Variants in RASGRP3 observed in about 807,000 individuals in gnomAD.
RASGRP3 encodes the protein RAS guanyl releasing protein 3, also known as ras guanyl-releasing protein 3.
RASGRP3 carries 54 observed loss-of-function variants against 82.7 expected under a neutral mutation model. That is an observed-to-expected ratio of 0.65 (90% confidence interval 0.52 to 0.82). The LOEUF is 0.82. Ranked by LOEUF, RASGRP3 falls within the 40% of genes least tolerant of loss-of-function variation. RASGRP3 has a pLI of 0.00. For missense variants in RASGRP3, 861 were observed against 828.9 expected, an observed-to-expected ratio of 1.04 and a Z score of -0.48; for synonymous variants, 309 against 300.5, an observed-to-expected ratio of 1.03 and a Z score of -0.29.
chr2:33,562,880 A>C lies in RASGRP3; in HGVS notation c.*143A>C. 7 of 1,084,350 alleles carry C rather than the reference A, an allele frequency of 6.5e-6. No individual in the cohort carries two copies. The highest frequency in any genetic ancestry group is 9.4e-6 in the Non-Finnish European group (7 of 742,662). 67.2% of individuals were successfully genotyped at this position (1,084,350 alleles called of 1,614,324 possible). A position where few individuals can be genotyped will look rare whatever the true frequency, so the allele number is the denominator to read the frequency against. On this transcript the variant is annotated 3_prime_UTR_variant, in exon 18 of 18. Coordinates refer to ENST00000403687, the MANE Select transcript of RASGRP3 (RefSeq NM_001139488.2). ...TGCCTTGGGACACTGTGGGATCTCC[A>C]TGTTTGGACTATGGGACAGAGAATT... is the stretch of plus-strand genomic sequence containing the variant.
intron 9 of RASGRP3, among the ~76,000 whole-genome samples, chr2:33,526,626 A>G (rs570014829): frequency 6.6e-6 from 1 of 152,314 alleles, no homozygotes; most frequent in African/African-American, 2.4e-5. Context: ...AGAGAAAGAA[A>G]CTGAGGCCCA....
chr2:33,501,948 G>A, intron 1 of RASGRP3, among the ~76,000 whole-genome samples: 1 of 152,188 alleles, frequency 6.6e-6, no homozygotes, highest in South Asian at 2.1e-4. Context: ...AGCTTAGCGG[G>A]TGTAATGACT....
exon 2 of RASGRP3, chr2:33,447,850 T>C (rs1166848666): frequency 2.0e-5 from 3 of 152,196 alleles, no homozygotes; most frequent in African/African-American, 7.2e-5. Flanking sequence ...CCATATCTCT[T>C]CTTTGCCATG....
Position 33,512,347 on chromosome 2 carries a change from G to T in RASGRP3, c.-128+505G>T, listed in dbSNP as rs17013185. Among the ~76,000 whole-genome samples, 1,433 of 152,288 alleles carry T rather than the reference G, an allele frequency of 9.4e-3. 25 individuals are homozygous for T. The highest frequency in any genetic ancestry group is 0.033 in the African/African-American group (1,365 of 41,556). On this transcript the variant is annotated intron_variant, in intron 2 of 17. Transcript: ENST00000403687. Reference sequence around the variant, plus strand: ...GGTTTTGAATTGAGAAACCAGTTTAGTCTAGGCCTATTTGTTCTAAGTAAT... The same window carrying T: ...GGTTTTGAATTGAGAAACCAGTTTATTCTAGGCCTATTTGTTCTAAGTAAT...
intron 17 of RASGRP3, among the ~76,000 whole-genome samples, chr2:33,561,789 ACGCTCATTTTAAAAT>A (rs1676688435): frequency 6.6e-6 from 1 of 152,174 alleles, no homozygotes; most frequent in Non-Finnish European, 1.5e-5. Context: ...TCCAGGATTT[ACGCTCATTTTAAAAT>A]ATAAGGGTAC....
chr2:33,530,334 C>T (rs1026619297), intron 10 of RASGRP3, among the ~76,000 whole-genome samples: 4 of 152,074 alleles, frequency 2.6e-5, no homozygotes, highest in African/African-American at 9.7e-5. Flanking sequence ...TTATGAAATG[C>T]CTACTCCGTG....
At chr2:33,496,002 A>C (rs1396292417) in intron 1 of RASGRP3, among the ~76,000 whole-genome samples, 1 of 152,220 alleles carries the variant, frequency 6.6e-6, no homozygotes, top group Non-Finnish European at 1.5e-5. Context: ...CTGGATTTTT[A>C]AAGTAAAGGT....
chr2:33,461,341 C>T (rs865881462), intron 2 of RASGRP3, among the ~76,000 whole-genome samples: 3 of 152,166 alleles, frequency 2.0e-5, no homozygotes, highest in Admixed American at 6.5e-5. Context: ...TGCAGTGGCA[C>T]GATCTCTATT....
intron 10 of RASGRP3, among the ~76,000 whole-genome samples, chr2:33,528,378 T>C (rs144214227): frequency 6.6e-6 from 1 of 152,314 alleles, no homozygotes; most frequent in Non-Finnish European, 1.5e-5. Context: ...CTCTGCATCC[T>C]AGAACTTTTA....
intron 1 of RASGRP3, among the ~76,000 whole-genome samples, chr2:33,488,482 G>A (rs1668583726): frequency 6.6e-6 from 1 of 152,198 alleles, no homozygotes; most frequent in Non-Finnish European, 1.5e-5. Flanking sequence ...ATGGGACCAA[G>A]TAGCTGGGCC....
intron 13 of RASGRP3, among the ~76,000 whole-genome samples, chr2:33,546,133 C>A (rs1674715948): frequency 6.6e-6 from 1 of 151,440 alleles, no homozygotes; most frequent in Non-Finnish European, 1.5e-5. Context: ...ACTAGAAAGT[C>A]TAAAAATTGG....
rs1674201272 is a variant in RASGRP3, at chr2:33,540,613, ATT to A, written c.1278+1405_1278+1406del. Among the ~76,000 whole-genome samples, 3 of 57,468 alleles carry A rather than the reference ATT, an allele frequency of 5.2e-5. 1 individual carries two copies. The highest frequency in any genetic ancestry group is 7.9e-5 in the Non-Finnish European group (2 of 25,198). The allele number at this position is 57,468 out of a possible 152,430, so 37.7% of individuals were successfully genotyped here. ...GTGTGTGTGTGTGTGTGTCTGGGGA[ATT>A]TCTCTCTCTCTCTCTCTCTCTCTCT... On this transcript the variant is annotated intron_variant, in intron 12 of 17. Coordinates refer to ENST00000403687, the MANE Select transcript of RASGRP3 (RefSeq NM_001139488.2).
chr2:33,449,623 G>C (rs941392433), intron 2 of RASGRP3, among the ~76,000 whole-genome samples: 1 of 152,074 alleles, frequency 6.6e-6, no homozygotes. Flanking sequence ...AGCTGGGCAT[G>C]GTAGTGCATG....
At chr2:33,524,884 C>G (rs536439552) in intron 9 of RASGRP3, among the ~76,000 whole-genome samples, 2 of 151,870 alleles carry the variant, frequency 1.3e-5, no homozygotes, top group Non-Finnish European at 2.9e-5. Flanking sequence ...TCTATACCAT[C>G]CTGGCTAACG....
intron 2 of RASGRP3, among the ~76,000 whole-genome samples, chr2:33,465,913 T>C (rs1666667794): frequency 6.6e-6 from 1 of 151,340 alleles, no homozygotes; most frequent in African/African-American, 2.4e-5. Context: ...TAACAGCACA[T>C]TTGTTTATAG....
chr2:33,494,269 A>G (rs760347896), intron 1 of RASGRP3, among the ~76,000 whole-genome samples: 1 of 152,214 alleles, frequency 6.6e-6, no homozygotes, highest in Non-Finnish European at 1.5e-5. Context: ...AAACACTATC[A>G]GAAGACGTGA....
At chr2:33,507,389 G>A (rs559108822) in intron 1 of RASGRP3, among the ~76,000 whole-genome samples, 10 of 152,032 alleles carry the variant, frequency 6.6e-5, no homozygotes, top group Non-Finnish European at 8.8e-5. Context: ...AGCAAGACTC[G>A]GTTAATGAGA....
At chr2:33,523,420 G>A (rs909253993) in intron 7 of RASGRP3, among the ~76,000 whole-genome samples, 4 of 150,906 alleles carry the variant, frequency 2.7e-5, no homozygotes, top group Non-Finnish European at 2.9e-5. Context: ...AGCCGAGATC[G>A]CGCCACTGCA....
Position 33,442,825 on chromosome 2 carries a change from G to A in RASGRP3, c.-384-4995G>A, listed in dbSNP as rs116159310. Among the ~76,000 whole-genome samples, 815 of 152,072 alleles carry A rather than the reference G, an allele frequency of 5.4e-3. 4 individuals carry two copies. Among genetic ancestry groups the A allele is most frequent in the Non-Finnish European group, 9.0e-3 (615 of 68,004 alleles). ...AGCCCGTCTCAGCTTTATTCATGTAGCGATTTCAGAACATTACAAAGATAT... is the reference window on the plus strand; with the variant it reads ...AGCCCGTCTCAGCTTTATTCATGTAACGATTTCAGAACATTACAAAGATAT... On this transcript the variant is annotated intron_variant, in intron 1 of 18. Coordinates refer to the RASGRP3 transcript ENST00000402538.
Sources: gnomAD v4.1 joint callset for allele counts (sites outside exome capture counted in the v4.1 genomes callset) on GRCh38, gnomAD v4.1.1 for gene constraint, MANE v1.5 for transcripts, NCBI Gene and HGNC (gene_info 2026-07-23, HGNC 2026-07-21) for gene names.